The following MAD1L1 variants were observed in gnomAD, a reference collection of about 807,000 sequenced individuals.
The protein encoded by MAD1L1 is mitotic arrest deficient 1 like 1.
In MAD1L1, 95 loss-of-function variants were observed where a neutral mutation model predicts 96.9. That is an observed-to-expected ratio of 0.98 (90% confidence interval 0.83 to 1.16). The LOEUF is 1.16. Ranked by LOEUF, MAD1L1 falls within the 50% of genes most tolerant of loss-of-function variation. The pLI, the probability that MAD1L1 is intolerant of heterozygous loss-of-function variation, is 0.00. For missense variants in MAD1L1, 1,007 were observed against 954.4 expected, an observed-to-expected ratio of 1.06 and a Z score of -0.73; for synonymous variants, 473 against 396.6, an observed-to-expected ratio of 1.19 and a Z score of -2.29.
chr7:1,981,742 G>A (rs1175100587), intron 14 of MAD1L1, among the ~76,000 whole-genome samples: 1 of 152,174 alleles, frequency 6.6e-6, no homozygotes, highest in Non-Finnish European at 1.5e-5. Flanking sequence ...AATGATGTGA[G>A]GGGGACAACA....
intron 12 of MAD1L1, among the ~76,000 whole-genome samples, chr7:2,059,725 G>T (rs1434572914): frequency 6.6e-6 from 1 of 151,952 alleles, no homozygotes; most frequent in Non-Finnish European, 1.5e-5. Flanking sequence ...CATGGGGTTG[G>T]TGGGGAAGCA....
At chr7:2,020,200 G>A (rs959671844) in intron 12 of MAD1L1, among the ~76,000 whole-genome samples, 1 of 152,184 alleles carries the variant, frequency 6.6e-6, no homozygotes, top group African/African-American at 2.4e-5. Context: ...GCCCGGGGAG[G>A]CAGTGCCATG....
At position 2,099,174 on chromosome 7, in the gene MAD1L1, G is replaced by C. The variant is rs114883530; in HGVS notation, c.1074-29836C>G. Among the ~76,000 whole-genome samples, 1,305 of 152,258 alleles carry C rather than the reference G, an allele frequency of 8.6e-3. 18 individuals carry two copies. The highest frequency in any genetic ancestry group is 0.03 in the African/African-American group (1,232 of 41,548). On this transcript the variant is annotated intron_variant, in intron 11 of 18. Transcript: ENST00000265854. The stretch of plus-strand genomic sequence containing the variant: ...GGTCCAGGAAGGAGCATCCCCCAAC[G>C]CACCGCTAACACTGGTGACCAGACT...
At chr7:2,010,534 A>G (rs1173430704) in intron 13 of MAD1L1, among the ~76,000 whole-genome samples, 2 of 152,176 alleles carry the variant, frequency 1.3e-5, no homozygotes, top group Non-Finnish European at 2.9e-5. Flanking sequence ...GACACATGCT[A>G]CGGGCTCCCG....
At chr7:1,854,355 G>T (rs374176517) in intron 18 of MAD1L1, 32 of 472,130 alleles carry the variant, frequency 6.8e-5, no homozygotes, top group African/African-American at 6.1e-4. Context: ...CGCTGTGGGG[G>T]AACCTACCCT....
chr7:1,994,701 C>T (rs141343079), intron 14 of MAD1L1, among the ~76,000 whole-genome samples: 111 of 152,252 alleles, frequency 7.3e-4, no homozygotes, highest in African/African-American at 2.5e-3. Context: ...AGAGCTCCCT[C>T]GCCCCTCCCA....
intron 11 of MAD1L1, among the ~76,000 whole-genome samples, chr7:2,078,078 C>G (rs1220732972): frequency 6.6e-6 from 1 of 152,216 alleles, no homozygotes; most frequent in Non-Finnish European, 1.5e-5. Flanking sequence ...CCACTCACCA[C>G]AGAGAGGAGC....
At chr7:2,034,221 C>CTT (rs565833842) in intron 12 of MAD1L1, among the ~76,000 whole-genome samples, 7,841 of 143,902 alleles carry the variant, frequency 0.054, 321 homozygotes, top group Admixed American at 0.1. Flanking sequence ...AAAGAGTCTC[C>CTT]TTTTTTTTTT....
chr7:2,060,264 TACGCCGATGCC>T (rs1784591108), intron 12 of MAD1L1, among the ~76,000 whole-genome samples: 3 of 143,560 alleles, frequency 2.1e-5, no homozygotes, highest in African/African-American at 7.6e-5. Flanking sequence ...GATGCCGAGA[TACGCCGATGCC>T]GAGATACGCC....
intron 5 of MAD1L1, among the ~76,000 whole-genome samples, chr7:2,220,003 C>T (rs926057053): frequency 1.3e-5 from 2 of 152,152 alleles, no homozygotes; most frequent in Non-Finnish European, 2.9e-5. Flanking sequence ...ATCAGACATC[C>T]ACATACCCGC....
intron 11 of MAD1L1, among the ~76,000 whole-genome samples, chr7:2,102,718 C>T (rs964142386): frequency 6.6e-6 from 1 of 151,648 alleles, no homozygotes; most frequent in Non-Finnish European, 1.5e-5. Flanking sequence ...CCAGCACTCT[C>T]ACCACGTCCC....
intron 15 of MAD1L1, among the ~76,000 whole-genome samples, chr7:1,958,238 C>A (rs149014347): frequency 7.9e-5 from 12 of 152,170 alleles, no homozygotes; most frequent in Non-Finnish European, 1.8e-4. Context: ...CGCTTCCAGG[C>A]GACCCATGGT....
intron 18 of MAD1L1, among the ~76,000 whole-genome samples, chr7:1,856,369 C>T (rs562340432): frequency 1.3e-5 from 2 of 152,216 alleles, no homozygotes; most frequent in African/African-American, 4.8e-5. Flanking sequence ...GGGAAGAACC[C>T]GCCAGTCCCC....
At chr7:1,939,880 T>A (rs1778861829) in intron 16 of MAD1L1, among the ~76,000 whole-genome samples, 1 of 152,160 alleles carries the variant, frequency 6.6e-6, no homozygotes, top group African/African-American at 2.4e-5. Context: ...GGGCTGGAGC[T>A]CATCAGCCAT....
chr7:2,156,874 T>G, intron 10 of MAD1L1, among the ~76,000 whole-genome samples: 1 of 135,146 alleles, frequency 7.4e-6, no homozygotes, highest in African/African-American at 2.8e-5. Flanking sequence ...AAGAAAGAAA[T>G]AGGGGAAAGT....
intron 11 of MAD1L1, among the ~76,000 whole-genome samples, chr7:2,077,904 C>T (rs1039279921): frequency 1.3e-5 from 2 of 152,210 alleles, no homozygotes; most frequent in Non-Finnish European, 2.9e-5. Flanking sequence ...CGGGGAGCCT[C>T]GCAGCAGCCT....
chr7:2,118,936 G>A (rs1787848844), intron 11 of MAD1L1, among the ~76,000 whole-genome samples: 1 of 152,170 alleles, frequency 6.6e-6, no homozygotes, highest in African/African-American at 2.4e-5. Flanking sequence ...TCCTTGACCT[G>A]CAGTGCAGAC....
At chr7:2,170,370 G>C (rs980667477) in intron 10 of MAD1L1, among the ~76,000 whole-genome samples, 1 of 152,220 alleles carries the variant, frequency 6.6e-6, no homozygotes, top group African/African-American at 2.4e-5. Context: ...TAAGTGTTCG[G>C]GGCTGGAGTG....
chr7:2,194,758 G>A (rs1791899780), intron 10 of MAD1L1, among the ~76,000 whole-genome samples: 1 of 152,118 alleles, frequency 6.6e-6, no homozygotes, highest in Non-Finnish European at 1.5e-5. Context: ...GATGAAACAA[G>A]AGAAAGTACC....
Sources: gnomAD v4.1 joint callset for allele counts (sites outside exome capture counted in the v4.1 genomes callset) on GRCh38, gnomAD v4.1.1 for gene constraint, MANE v1.5 for transcripts, NCBI Gene and HGNC (gene_info 2026-07-23, HGNC 2026-07-21) for gene names.